The following SLX4IP variants were observed in gnomAD, a reference collection of about 807,000 sequenced individuals.
SLX4IP encodes SLX4 interacting protein, also known as protein SLX4IP.
Under a neutral mutation model 32.9 loss-of-function variants are expected in SLX4IP, and 34 were observed. The observed-to-expected ratio is 1.03, with a 90% confidence interval of 0.79 to 1.38. SLX4IP has a LOEUF of 1.38. Ranked by LOEUF, SLX4IP falls within the 40% of genes most tolerant of loss-of-function variation. The pLI is 0.00. For synonymous variants in SLX4IP, 172 were observed against 171.7 expected (o/e 1.00, Z -0.01); for missense variants, 444 against 479.0 (o/e 0.93, Z 0.68).
chr20:10,609,855 T>G (rs915231598), intron 6 of SLX4IP, among the ~76,000 whole-genome samples: 29 of 152,142 alleles, frequency 1.9e-4, no homozygotes, highest in African/African-American at 7.0e-4. Flanking sequence ...CTAGTATGTT[T>G]TCTCTATTTT....
At chr20:10,570,525 CTT>C (rs113025279) in intron 4 of SLX4IP, among the ~76,000 whole-genome samples, 2 of 146,442 alleles carry the variant, frequency 1.4e-5, no homozygotes, top group Admixed American at 6.8e-5. Context: ...CACATACACT[CTT>C]TTTTTTTTTT....
Position 10,623,571 on chromosome 20 carries a change from C to G in SLX4IP, c.*192C>G. The G allele has an allele frequency of 1.3e-6, 1 of 745,644 alleles. No individual in the cohort carries two copies. The highest frequency in any genetic ancestry group is 1.8e-5 in the African/African-American group (1 of 56,616). 46.2% of individuals were successfully genotyped at this position (745,644 alleles called of 1,614,324 possible). ...CAAACCGGGAGGCTATATGCTTGTT[C>G]TAACAGCGTTGCTTCTTTATCATTG... On this transcript the variant is annotated 3_prime_UTR_variant, in exon 8 of 8. Transcript: ENST00000334534.
chr20:10,613,787 G>A, intron 6 of SLX4IP: 3 of 1,613,492 alleles, frequency 1.9e-6, no homozygotes, highest in Middle Eastern at 1.7e-4. Context: ...CAGACTCCAT[G>A]ATCTGATCCA....
At chr20:10,469,320 TA>T (rs927787495) in intron 2 of SLX4IP, among the ~76,000 whole-genome samples, 13 of 150,586 alleles carry the variant, frequency 8.6e-5, no homozygotes, top group African/African-American at 1.7e-4. Context: ...TTTGTTTTTT[TA>T]AAAAAAAAAT....
At chr20:10,472,369 T>C (rs2065432221) in intron 2 of SLX4IP, among the ~76,000 whole-genome samples, 1 of 152,070 alleles carries the variant, frequency 6.6e-6, no homozygotes, top group African/African-American at 2.4e-5. Flanking sequence ...TAGCTGGGAC[T>C]ACAGTCGCCT....
At chr20:10,587,260 C>A (rs566282726) in intron 4 of SLX4IP, among the ~76,000 whole-genome samples, 4 of 151,968 alleles carry the variant, frequency 2.6e-5, no homozygotes, top group Non-Finnish European at 5.9e-5. Flanking sequence ...TTAAAAAGAG[C>A]AATGCATGTA....
intron 2 of SLX4IP, among the ~76,000 whole-genome samples, chr20:10,469,314 T>C (rs949636299): frequency 6.6e-6 from 1 of 151,994 alleles, no homozygotes; most frequent in Non-Finnish European, 1.5e-5. Flanking sequence ...GGTATATTTG[T>C]TTTTTTAAAA....
chr20:10,508,604 G>A (rs762789928), intron 2 of SLX4IP, among the ~76,000 whole-genome samples: 20 of 152,122 alleles, frequency 1.3e-4, no homozygotes, highest in Non-Finnish European at 1.5e-5. Context: ...GGGGCTGCTG[G>A]CAACTTGCTC....
chr20:10,536,163 C>T (rs549197403), intron 2 of SLX4IP, among the ~76,000 whole-genome samples: 2 of 152,268 alleles, frequency 1.3e-5, no homozygotes, highest in African/African-American at 4.8e-5. Context: ...ATCTTTAACA[C>T]ACCTTCTTGT....
intron 2 of SLX4IP, among the ~76,000 whole-genome samples, chr20:10,538,530 T>C (rs2066069860): frequency 7.6e-6 from 1 of 132,068 alleles, no homozygotes; most frequent in Non-Finnish European, 1.7e-5. Flanking sequence ...GCCCTTCATC[T>C]TTTTTTTTTT....
chr20:10,560,950 G>A, intron 4 of SLX4IP, 130 bp downstream of exon 4: 6 of 950,170 alleles, frequency 6.3e-6, no homozygotes, highest in Non-Finnish European at 8.4e-6. Flanking sequence ...TCCTAATGAA[G>A]ATACTTTGTT....
intron 2 of SLX4IP, among the ~76,000 whole-genome samples, chr20:10,515,897 T>C (rs2065846107): frequency 6.6e-6 from 1 of 152,068 alleles, no homozygotes; most frequent in Non-Finnish European, 1.5e-5. Flanking sequence ...GTTGTTGTGG[T>C]TGTTGTTTTG....
intron 2 of SLX4IP, among the ~76,000 whole-genome samples, chr20:10,542,635 A>C (rs777659502): frequency 6.6e-6 from 1 of 152,252 alleles, no homozygotes; most frequent in Non-Finnish European, 1.5e-5. Context: ...AGGCAGCCTA[A>C]CATGAAATTA....
At chr20:10,616,795 T>G in intron 6 of SLX4IP, among the ~76,000 whole-genome samples, 1 of 152,198 alleles carries the variant, frequency 6.6e-6, no homozygotes, top group East Asian at 1.9e-4. Flanking sequence ...CTTTAGATGT[T>G]TATTTCTCCT....
At chr20:10,558,341 C>CAAAAAA (rs36028561) in intron 3 of SLX4IP, among the ~76,000 whole-genome samples, 6 of 79,524 alleles carry the variant, frequency 7.5e-5, no homozygotes, top group Non-Finnish European at 1.2e-4. Flanking sequence ...GACCCTGTCT[C>CAAAAAA]AAAAAAAAAA....
At chr20:10,532,743 T>C (rs1022842093) in intron 2 of SLX4IP, among the ~76,000 whole-genome samples, 5 of 151,410 alleles carry the variant, frequency 3.3e-5, no homozygotes, top group African/African-American at 1.2e-4. Flanking sequence ...ATAGAAAAGC[T>C]GAAGAAAAAA....
At chr20:10,439,950 A>C (rs911552529) in intron 1 of SLX4IP, among the ~76,000 whole-genome samples, 2 of 152,204 alleles carry the variant, frequency 1.3e-5, no homozygotes, top group Admixed American at 1.3e-4. Flanking sequence ...TCTATTATGT[A>C]AAAGCGGTTA....
chr20:10,568,670 A>G (rs994540778), intron 4 of SLX4IP, among the ~76,000 whole-genome samples: 2 of 152,224 alleles, frequency 1.3e-5, no homozygotes, highest in African/African-American at 2.4e-5. Context: ...TTAGTTTACA[A>G]TTTTGGTGGG....
intron 2 of SLX4IP, among the ~76,000 whole-genome samples, chr20:10,486,024 T>C (rs1294569836): frequency 1.3e-5 from 2 of 152,058 alleles, no homozygotes; most frequent in African/African-American, 2.4e-5. Flanking sequence ...GCACCCTCGG[T>C]ATAACATTAT....
Sources: gnomAD v4.1 joint callset for allele counts (sites outside exome capture counted in the v4.1 genomes callset) on GRCh38, gnomAD v4.1.1 for gene constraint, MANE v1.5 for transcripts, NCBI Gene and HGNC (gene_info 2026-07-23, HGNC 2026-07-21) for gene names.